GRID2: variants seen among roughly 807,000 people sequenced by gnomAD.
The protein encoded by GRID2 is glutamate ionotropic receptor delta type subunit 2, also known as glutamate receptor ionotropic, delta-2.
Under a neutral mutation model 114.8 loss-of-function variants are expected in GRID2, and 33 were observed. The ratio of observed to expected loss-of-function variants is 0.29; its 90% CI spans 0.22 to 0.38. The LOEUF (loss-of-function observed/expected upper bound fraction) is 0.38. GRID2 is among the 10% of genes least tolerant of loss of function. The probability of loss-of-function intolerance (pLI) is 1.00; values close to 1 mark genes in which losing one functional copy is unlikely to be tolerated. For missense variants in GRID2, 1,184 were observed against 1,257.7 expected (o/e 0.94, Z 0.89); for synonymous variants, 505 against 449.9 (o/e 1.12, Z -1.55).
chr4:92,642,604 C>A (rs74557917), intron 2 of GRID2, among the ~76,000 whole-genome samples: 3 of 151,260 alleles, frequency 2.0e-5, no homozygotes, highest in African/African-American at 4.8e-5. Flanking sequence ...TGTTTATAGT[C>A]TTTTTGTTGT....
At chr4:93,195,091 C>A (rs1448092741) in intron 4 of GRID2, among the ~76,000 whole-genome samples, 1 of 152,084 alleles carries the variant, frequency 6.6e-6, no homozygotes, top group African/African-American at 2.4e-5. Flanking sequence ...ATAGTTGGAA[C>A]GTATGTTCTA....
At chr4:93,720,727 C>T (rs1351842910) in intron 14 of GRID2, among the ~76,000 whole-genome samples, 1 of 152,034 alleles carries the variant, frequency 6.6e-6, no homozygotes, top group Non-Finnish European at 1.5e-5. Flanking sequence ...GTCAAAAGGG[C>T]AAAAGGAGGA....
intron 2 of GRID2, among the ~76,000 whole-genome samples, chr4:92,642,855 C>A (rs1440247594): frequency 6.6e-6 from 1 of 151,460 alleles, no homozygotes; most frequent in Non-Finnish European, 1.5e-5. Flanking sequence ...TTTAAGGGTC[C>A]ACTTTCATTC....
intron 2 of GRID2, among the ~76,000 whole-genome samples, chr4:92,918,924 T>G (rs1382021828): frequency 6.6e-6 from 1 of 152,204 alleles, no homozygotes; most frequent in South Asian, 2.1e-4. Context: ...TCAGAAGGAA[T>G]GGTACCAGTT....
At chr4:92,802,507 C>G (rs1376962074) in intron 2 of GRID2, among the ~76,000 whole-genome samples, 5 of 151,816 alleles carry the variant, frequency 3.3e-5, no homozygotes, top group Non-Finnish European at 7.4e-5. Context: ...AAAATCTACT[C>G]TATCTAGTAT....
intron 2 of GRID2, among the ~76,000 whole-genome samples, chr4:93,060,249 T>G (rs1727656293): frequency 1.3e-5 from 2 of 152,242 alleles, no homozygotes; most frequent in South Asian, 4.1e-4. Flanking sequence ...TCAATGTAGA[T>G]TGTCATAGCT....
chr4:92,583,739 A>G (rs1225891727), intron 1 of GRID2, among the ~76,000 whole-genome samples: 1 of 150,250 alleles, frequency 6.7e-6, no homozygotes, highest in Non-Finnish European at 1.5e-5. Flanking sequence ...AAGCACATTT[A>G]TTACATACAC....
At chr4:92,716,030 A>C (rs1051251001) in intron 2 of GRID2, among the ~76,000 whole-genome samples, 15 of 152,216 alleles carry the variant, frequency 9.9e-5, no homozygotes, top group African/African-American at 3.4e-4. Context: ...TGACTCCTTT[A>C]TAAAAATCTT....
chr4:93,768,423 C>T (rs1176574802), intron 14 of GRID2, among the ~76,000 whole-genome samples: 2 of 152,160 alleles, frequency 1.3e-5, no homozygotes, highest in East Asian at 3.9e-4. Flanking sequence ...GAAAAACACA[C>T]TTTAAAAAGC....
At chr4:92,994,729 A>G (rs980959868) in intron 2 of GRID2, among the ~76,000 whole-genome samples, 1 of 152,196 alleles carries the variant, frequency 6.6e-6, no homozygotes, top group Non-Finnish European at 1.5e-5. Flanking sequence ...CAATAACTCA[A>G]GTTGATGAAA....
intron 2 of GRID2, among the ~76,000 whole-genome samples, chr4:92,697,731 C>T (rs1014963881): frequency 5.9e-5 from 9 of 151,860 alleles, no homozygotes; most frequent in African/African-American, 1.2e-4. Flanking sequence ...TAAAATAATG[C>T]GAATTGTGAG....
intron 9 of GRID2, among the ~76,000 whole-genome samples, chr4:93,416,229 GA>G (rs1767692159): frequency 6.6e-6 from 1 of 151,714 alleles, no homozygotes. Flanking sequence ...CCTAACTTGT[GA>G]ACATTTCTAA....
At chr4:93,715,100 T>C (rs780329922) in intron 14 of GRID2, among the ~76,000 whole-genome samples, 2 of 152,190 alleles carry the variant, frequency 1.3e-5, no homozygotes, top group African/African-American at 2.4e-5. Context: ...CTTGAGTTGA[T>C]TTTTGTATAT....
At chr4:92,926,806 A>G (rs1749842942) in intron 2 of GRID2, among the ~76,000 whole-genome samples, 1 of 151,882 alleles carries the variant, frequency 6.6e-6, no homozygotes, top group Admixed American at 6.6e-5. Flanking sequence ...GCAGCATCAT[A>G]TCATGGCAGA....
chr4:92,974,458 C>G (rs1012715349), intron 2 of GRID2, among the ~76,000 whole-genome samples: 1 of 151,996 alleles, frequency 6.6e-6, no homozygotes, highest in African/African-American at 2.4e-5. Context: ...CAATGATAGA[C>G]TGGATTAAGA....
chr4:92,966,483 T>C (rs113659628), intron 2 of GRID2, among the ~76,000 whole-genome samples: 2,251 of 152,030 alleles, frequency 0.015, 21 homozygotes, highest in East Asian at 0.052. Context: ...ATAGCTTGGC[T>C]GTGTCCCCAC....
chr4:92,512,492 G>A lies in GRID2; in HGVS notation c.89-77639G>A, dbSNP rs576639058. 2.6e-5 allele frequency among the ~76,000 whole-genome samples: 4 copies of A among 152,004 alleles called. No homozygotes were observed. In the East Asian group the frequency reaches 7.8e-4, roughly 30 times the overall value. On this transcript the variant is annotated intron_variant, in intron 1 of 15. Coordinates refer to ENST00000282020, the MANE Select transcript of GRID2 (RefSeq NM_001510.4). ...AATCTGGAAAAGAGATGAATTATTT[G>A]TCACTATGTCCAGCAAATAGCTCCA... is the stretch of plus-strand genomic sequence containing the variant.
chr4:93,755,047 T>C (rs1232258420), intron 14 of GRID2, among the ~76,000 whole-genome samples: 1 of 152,194 alleles, frequency 6.6e-6, no homozygotes, highest in Non-Finnish European at 1.5e-5. Context: ...GCCATTATCA[T>C]GGAAAATAGC....
chr4:93,292,624 C>A (rs1753866816), intron 8 of GRID2, among the ~76,000 whole-genome samples: 1 of 152,178 alleles, frequency 6.6e-6, no homozygotes, highest in South Asian at 2.1e-4. Flanking sequence ...TCACTCCATT[C>A]TTGCCACCAA....
Sources: allele counts gnomAD v4.1 joint callset (sites outside exome capture counted in the v4.1 genomes callset), GRCh38; gene constraint gnomAD v4.1.1; transcripts MANE v1.5; gene names NCBI Gene and HGNC (gene_info 2026-07-23, HGNC 2026-07-21).